Variants in NDUFS8 observed in about 807,000 individuals in gnomAD.
NDUFS8 encodes NADH dehydrogenase [ubiquinone] iron-sulfur protein 8, mitochondrial.
A neutral mutation model predicts 25.6 loss-of-function variants in NDUFS8; 13 were observed. The observed-to-expected ratio is 0.51, with a 90% CI of 0.33 to 0.81. The LOEUF (loss-of-function observed/expected upper bound fraction) is 0.81, where lower values mean the gene tolerates loss of function less well. Ranked by LOEUF, NDUFS8 falls within the 30% of genes least tolerant of loss-of-function variation. NDUFS8 has a pLI of 0.02. For synonymous variants in NDUFS8, 119 were observed against 119.4 expected (o/e 1.00, Z 0.02); for missense variants, 257 against 300.9 (o/e 0.85, Z 1.08).
intron 5 of NDUFS8, 178 bp from the exon 6 acceptor site, chr11:68,036,075 C>T (rs1854883177): frequency 2.3e-6 from 2 of 876,020 alleles, no homozygotes; most frequent in East Asian, 2.9e-5. Context: ...AGGGCACGTG[C>T]TGAGGAGACA....
chr11:68,036,153 C>T, intron 5 of NDUFS8, 100 bp from the exon 6 acceptor site: 3 of 1,584,692 alleles, frequency 1.9e-6, no homozygotes, highest in East Asian at 4.5e-5. Flanking sequence ...GGGGAGAGGG[C>T]TTCTGGCAGA....
At chr11:68,030,973 G>A (rs893888464) in intron 1 of NDUFS8, 2 of 430,034 alleles carry the variant, frequency 4.7e-6, no homozygotes, top group African/African-American at 4.1e-5. Context: ...TGGGGAAGGT[G>A]CTGGGTTGGG....
rs1243647000 is a variant in NDUFS8 at position 68,030,682 on chromosome 11, C to T, written c.-52C>T. 3.0e-6 allele frequency: 1 copy of T among 330,390 alleles called. No individual in the cohort carries two copies. The highest frequency in any genetic ancestry group is 6.0e-6 in the Non-Finnish European group (1 of 166,712). The allele number at this position is 330,390 out of a possible 1,614,324, so 20.5% of individuals were successfully genotyped here. ...GCAGCGTCCTACAGTGTAGCCTCCG[C>T]CTCCCGATTGACTGGCCTGCTTGGC... is the stretch of plus-strand genomic sequence containing the variant. On this transcript the variant is annotated 5_prime_UTR_variant, in exon 1 of 7. Coordinates refer to ENST00000313468, the MANE Select transcript of NDUFS8 (RefSeq NM_002496.4).
chr11:68,034,164 C>T (rs1198719081), intron 5 of NDUFS8: 2 of 153,750 alleles, frequency 1.3e-5, no homozygotes, highest in Non-Finnish European at 2.9e-5. Flanking sequence ...CTGCCAGCCA[C>T]AGGTCCCACT....
chr11:68,032,800 G>A (rs1854797065), intron 3 of NDUFS8, 123 bp from the exon 4 acceptor site: 3 of 1,005,340 alleles, frequency 3.0e-6, no homozygotes, highest in East Asian at 5.1e-5. Flanking sequence ...TGTGGTGAGT[G>A]TACAGCCCCT....
intron 5 of NDUFS8, chr11:68,033,509 G>A: frequency 3.1e-6 from 2 of 642,314 alleles, no homozygotes; most frequent in Non-Finnish European, 5.5e-6. Context: ...GCAGGCGCCT[G>A]ACACACAGAG....
At chr11:68,034,128 A>G (rs1318851334) in intron 5 of NDUFS8, 2 of 154,246 alleles carry the variant, frequency 1.3e-5, no homozygotes, top group East Asian at 1.9e-4. Context: ...TATTGTCTCC[A>G]TCTTTATAAG....
intron 5 of NDUFS8, 134 bp downstream of exon 5, chr11:68,033,417 T>G (rs1333294878): frequency 9.6e-7 from 1 of 1,037,582 alleles, no homozygotes; most frequent in South Asian, 1.4e-5. Flanking sequence ...TCTGAGCCAC[T>G]TCCCTCGTGA....
intron 5 of NDUFS8, chr11:68,033,513 CACAGAGGTTCCCCCT>C (rs1380117747): frequency 2.5e-5 from 16 of 634,628 alleles, no homozygotes; most frequent in Non-Finnish European, 4.2e-5. Flanking sequence ...GCGCCTGACA[CACAGAGGTTCCCCCT>C]TGGGGTCTGG....
chr11:68,034,022 CAGTG>C (rs1454405437), intron 5 of NDUFS8: 5 of 155,492 alleles, frequency 3.2e-5, no homozygotes, highest in East Asian at 3.9e-4. Flanking sequence ...GGCTTCCAGA[CAGTG>C]AGTGCTGTCC....
At position 68,032,166 on chromosome 11, in the gene NDUFS8, C is replaced by A; in HGVS notation, c.15C>A (p.Thr5=). The change falls in exon 2 of 7, where the codon ACC becomes ACA. Residue 5 remains threonine (T), a synonymous_variant. Transcript: ENST00000313468. The part of the protein sequence containing the change: MRCL[T]TPMLLRALAQ... The stretch of plus-strand genomic sequence containing the variant: ...TATGCCACCAGATGCGCTGCCTGAC[C>A]ACGCCTATGCTGCTGCGGGCCCTGG... The A allele has an allele frequency of 6.2e-7, 1 of 1,612,644 alleles. No individual in the cohort carries two copies. The highest frequency in any genetic ancestry group is 1.1e-5 in the South Asian group (1 of 91,022).
At chr11:68,033,810 C>T (rs370147778) in intron 5 of NDUFS8, 17 of 175,870 alleles carry the variant, frequency 9.7e-5, no homozygotes, top group East Asian at 8.1e-4. Context: ...CCCCGGCAGC[C>T]GCCGCCGCTA....
intron 5 of NDUFS8, chr11:68,035,690 A>G (rs1466280084): frequency 6.6e-6 from 3 of 455,232 alleles, no homozygotes; most frequent in Non-Finnish European, 1.3e-5. Context: ...CCCTCGTGAG[A>G]GGGGGTTCTT....
rs749069132 is a variant in NDUFS8, at chr11:68,032,225, C to A, written c.58+16C>A. 6.2e-7 allele frequency: 1 copy of A among 1,613,648 alleles called. No homozygotes were observed. The highest frequency in any genetic ancestry group is 1.7e-5 in the Admixed American group (1 of 60,034). Reference sequence around the variant, plus strand: ...GCACGTGCAGGTAGGACCAAAGAAGCCTTTGCTGGGGGTAGGGGAGTCCAG... The same window carrying A: ...GCACGTGCAGGTAGGACCAAAGAAGACTTTGCTGGGGGTAGGGGAGTCCAG... On this transcript the variant is annotated intron_variant, in intron 2 of 6. Coordinates refer to ENST00000313468, the MANE Select transcript of NDUFS8 (RefSeq NM_002496.4).
At chr11:68,032,495 T>G in intron 3 of NDUFS8, 159 bp downstream of exon 3, 1 of 1,525,452 alleles carries the variant, frequency 6.6e-7, no homozygotes, top group African/African-American at 1.4e-5. Context: ...TGACTCTGAT[T>G]CACAGGGGCA....
chr11:68,032,042 G>T, intron 1 of NDUFS8, 110 bp from the exon 2 acceptor site: 1 of 1,524,128 alleles, frequency 6.6e-7, no homozygotes. Context: ...GGTGCGAGTA[G>T]AGGGCAAAGT....
At chr11:68,031,825 A>G (rs2134412644) in intron 1 of NDUFS8, 1 of 443,602 alleles carries the variant, frequency 2.3e-6, no homozygotes, top group South Asian at 2.1e-5. Context: ...GTTTTTGGTT[A>G]GATTTGGGGA....
At chr11:68,035,830 C>T (rs1478234878) in intron 5 of NDUFS8, 1 of 403,852 alleles carries the variant, frequency 2.5e-6, no homozygotes, top group Non-Finnish European at 4.9e-6. Context: ...CCATCCTGGT[C>T]TACATGGTGA....
intron 5 of NDUFS8, chr11:68,033,493 C>T (rs1027484160): frequency 1.4e-6 from 1 of 691,660 alleles, no homozygotes; most frequent in Non-Finnish European, 2.5e-6. Flanking sequence ...AAGCTTCCAG[C>T]CCTGGGCAGG....
Sources: gnomAD v4.1 joint callset for allele counts on GRCh38, gnomAD v4.1.1 for gene constraint, MANE v1.5 for transcripts, NCBI Gene and HGNC (gene_info 2026-07-23, HGNC 2026-07-21) for gene names.